The following ADAMTSL1 variants were observed in gnomAD, a reference collection of about 807,000 sequenced individuals.
The protein encoded by ADAMTSL1 is ADAMTS-like protein 1.
In ADAMTSL1, 126 loss-of-function variants were observed where a neutral mutation model predicts 201.8. The observed-to-expected ratio is 0.62, with a 90% confidence interval of 0.54 to 0.72. ADAMTSL1 has a LOEUF of 0.72. Among genes scored for constraint, ADAMTSL1 ranks in the 30% least tolerant of loss-of-function variants. ADAMTSL1 has a pLI of 0.00. For synonymous variants in ADAMTSL1, 1,121 were observed against 903.4 expected (o/e 1.24, Z -4.32); for missense variants, 2,679 against 2,277.8 (o/e 1.18, Z -3.59).
At chr9:18,548,225 A>G (rs541168924) in intron 3 of ADAMTSL1, among the ~76,000 whole-genome samples, 2 of 152,182 alleles carry the variant, frequency 1.3e-5, no homozygotes, top group South Asian at 2.1e-4. Flanking sequence ...CTGAATGAAC[A>G]TGTTCCCAGC....
intron 6 of ADAMTSL1, among the ~76,000 whole-genome samples, chr9:18,638,485 T>C (rs62549385): frequency 0.011 from 1,612 of 152,152 alleles, 25 homozygotes; most frequent in African/African-American, 0.031. Context: ...CATGAGAACT[T>C]AGTCTTCTCT....
chr9:18,755,473 A>T (rs890841067), intron 16 of ADAMTSL1, among the ~76,000 whole-genome samples: 1 of 152,170 alleles, frequency 6.6e-6, no homozygotes, highest in African/African-American at 2.4e-5. Flanking sequence ...CATCTTCCTG[A>T]TATGTTTTTT....
intron 18 of ADAMTSL1, among the ~76,000 whole-genome samples, chr9:18,776,265 C>G (rs1422256011): frequency 5.9e-5 from 9 of 152,132 alleles, no homozygotes. Context: ...TCCCTAGAGC[C>G]GCAACACTTC....
chr9:17,927,995 CTT>C (rs71333019), intron 1 of ADAMTSL1, among the ~76,000 whole-genome samples: 13 of 149,622 alleles, frequency 8.7e-5, no homozygotes, highest in Admixed American at 1.3e-4. Context: ...TTCTTTCTTT[CTT>C]TTTTTTTTTT....
At chr9:18,660,092 A>G (rs1473496862) in intron 8 of ADAMTSL1, among the ~76,000 whole-genome samples, 2 of 152,174 alleles carry the variant, frequency 1.3e-5, no homozygotes, top group Non-Finnish European at 2.9e-5. Context: ...TTTTCCTCAC[A>G]TGGAAATGAA....
intron 2 of ADAMTSL1, among the ~76,000 whole-genome samples, chr9:18,209,819 G>A (rs1158702600): frequency 2.0e-5 from 3 of 152,050 alleles, no homozygotes; most frequent in Admixed American, 6.6e-5. Context: ...GGTGACTTTG[G>A]TGGGAATTGA....
intron 1 of ADAMTSL1, among the ~76,000 whole-genome samples, chr9:18,059,419 A>AT (rs1449904421): frequency 6.6e-6 from 1 of 152,112 alleles, no homozygotes; most frequent in Non-Finnish European, 1.5e-5. Context: ...TGTGTATAAA[A>AT]TTTTTGCTTC....
At chr9:18,218,183 G>T (rs1288263844) in intron 2 of ADAMTSL1, among the ~76,000 whole-genome samples, 1 of 152,130 alleles carries the variant, frequency 6.6e-6, no homozygotes, top group African/African-American at 2.4e-5. Context: ...CGTAGCTGAA[G>T]ATCCAAATAT....
rs538302356 is a variant in ADAMTSL1 at position 17,913,438 on chromosome 9, A to G, written c.87+6516A>G. On this transcript the variant is annotated intron_variant, in intron 1 of 29. Transcript: ENST00000680146. ...TCCCTTGTAAGTTGGATTCCTAGGT[A>G]TTTTATTCTCCTTGAAGCAATTGTG... Among the ~76,000 whole-genome samples the G allele has an allele frequency of 5.3e-5, 8 of 152,212 alleles. No individual in the cohort carries two copies. In the South Asian group the frequency reaches 1.2e-3, roughly 24 times the overall value.
chr9:18,265,928 T>C (rs1366051400), intron 2 of ADAMTSL1, among the ~76,000 whole-genome samples: 1 of 152,238 alleles, frequency 6.6e-6, no homozygotes, highest in African/African-American at 2.4e-5. Flanking sequence ...AAGTTAGACC[T>C]GGCTCCTGCC....
chr9:18,013,940 A>G (rs908417033), intron 1 of ADAMTSL1, among the ~76,000 whole-genome samples: 11 of 137,882 alleles, frequency 8.0e-5, no homozygotes, highest in Middle Eastern at 8.1e-3. Flanking sequence ...TTCTGTAACT[A>G]TGGTAAAAGA....
intron 23 of ADAMTSL1, among the ~76,000 whole-genome samples, chr9:18,877,036 T>A (rs922953870): frequency 6.6e-6 from 1 of 152,226 alleles, no homozygotes; most frequent in Non-Finnish European, 1.5e-5. Context: ...TTTTATTCTG[T>A]TGAGACTTTC....
At chr9:17,967,985 C>G (rs535005819) in intron 1 of ADAMTSL1, among the ~76,000 whole-genome samples, 1 of 152,234 alleles carries the variant, frequency 6.6e-6, no homozygotes, top group Non-Finnish European at 1.5e-5. Context: ...ATCTCATTCT[C>G]TGTTATACAA....
intron 23 of ADAMTSL1, among the ~76,000 whole-genome samples, chr9:18,850,880 GAA>G (rs1415169201): frequency 6.6e-6 from 1 of 152,192 alleles, no homozygotes; most frequent in Non-Finnish European, 1.5e-5. Context: ...CAAGAAAAAG[GAA>G]AGAGTATCTG....
At chr9:18,796,647 G>A (rs574235679) in intron 20 of ADAMTSL1, 4 of 152,394 alleles carry the variant, frequency 2.6e-5, no homozygotes, top group African/African-American at 7.2e-5. Context: ...AGGCGGCTTT[G>A]CGGGGAAGAT....
chr9:17,946,919 A>T (rs72695963), intron 1 of ADAMTSL1, among the ~76,000 whole-genome samples: 2,319 of 152,238 alleles, frequency 0.015, 25 homozygotes, highest in Middle Eastern at 0.068. Context: ...CAATAAATTC[A>T]GTGGATTTGT....
chr9:18,351,315 T>A (rs1187376087), intron 2 of ADAMTSL1, among the ~76,000 whole-genome samples: 1 of 152,060 alleles, frequency 6.6e-6, no homozygotes, highest in East Asian at 1.9e-4. Flanking sequence ...CTTCTTTTTT[T>A]AAAAACAATT....
At chr9:18,908,123 A>G in intron 28 of ADAMTSL1, 1 of 371,962 alleles carries the variant, frequency 2.7e-6, no homozygotes, top group South Asian at 2.3e-5. Flanking sequence ...CTAGGAGATG[A>G]GGTAATCCCA....
At chr9:18,507,951 G>A (rs927445658) in intron 2 of ADAMTSL1, among the ~76,000 whole-genome samples, 2 of 152,084 alleles carry the variant, frequency 1.3e-5, no homozygotes, top group African/African-American at 2.4e-5. Context: ...TTGGGAGGCC[G>A]AGGCGGGTGG....
Sources: gnomAD v4.1 joint callset for allele counts (sites outside exome capture counted in the v4.1 genomes callset) on GRCh38, gnomAD v4.1.1 for gene constraint, MANE v1.5 for transcripts, NCBI Gene and HGNC (gene_info 2026-07-23, HGNC 2026-07-21) for gene names.